Variants in DRD4 observed in about 807,000 individuals in gnomAD.
The protein encoded by DRD4 is dopamine receptor D4.
In DRD4, 26 loss-of-function variants were observed where a neutral mutation model predicts 22.1. The ratio of observed to expected loss-of-function variants is 1.17; its 90% confidence interval spans 0.86 to 1.63. The LOEUF (loss-of-function observed/expected upper bound fraction) is 1.63. Ranked by LOEUF, DRD4 falls within the 40% of genes most tolerant of loss-of-function variation. DRD4 has a pLI of 0.00. For missense variants in DRD4, 913 were observed against 632.4 expected, an observed-to-expected ratio of 1.44 and a Z score of -4.76; for synonymous variants, 455 against 306.7, an observed-to-expected ratio of 1.48 and a Z score of -5.05.
At chr11:639,349 C>G (rs1352258908) in intron 1 of DRD4, 84 bp from the exon 2 acceptor site, 4 of 1,329,850 alleles carry the variant, frequency 3.0e-6, no homozygotes, top group Non-Finnish European at 4.1e-6. Flanking sequence ...GTATTCAGCC[C>G]TGGAACTACC....
rs367612113 is a variant in DRD4 at position 639,943 on chromosome 11, G to A, written c.694G>A (p.Gly232Ser). ...WEVARRAKLH[G>S]RAPRRPSGPG... ...GGTGGCACGTCGCGCCAAGCTGCAC[G>A]GCCGCGCGCCCCGCCGACCCAGCGG... Residue 232 changes from glycine (G) to serine (S), a missense_variant, in exon 3 of 4, where the codon GGC becomes AGC. Coordinates refer to ENST00000176183, the MANE Select transcript of DRD4 (RefSeq NM_000797.4). 1.0e-4 allele frequency: 147 copies of A among 1,458,736 alleles called. No homozygotes were observed. In the African/African-American group the frequency reaches 1.9e-3, roughly 19 times the overall value. 90.4% of individuals were successfully genotyped at this position (1,458,736 alleles called of 1,614,324 possible).
chr11:640,071 C>T lies in DRD4; in HGVS notation c.822C>T (p.Cys274=), dbSNP rs780104604. ...PPAPGLPRGP[C]GPDCAPAAPS... ...CGCCCGGCCTTCCCCGGGGTCCCTGCGGCCCCGACTGTGCGCCCGCCGCGC... is the reference window on the plus strand; with the variant it reads ...CGCCCGGCCTTCCCCGGGGTCCCTGTGGCCCCGACTGTGCGCCCGCCGCGC... The change falls in exon 3 of 4, where the codon TGC becomes TGT. Residue 274 remains cysteine (C), a synonymous_variant. Transcript: ENST00000176183. 3,026 of 1,109,442 alleles carry T rather than the reference C, an allele frequency of 2.7e-3. 149 individuals are homozygous for T. The highest frequency in any genetic ancestry group is 3.2e-3 in the Non-Finnish European group (2,766 of 876,674). The allele number at this position is 1,109,442 out of a possible 1,614,324, so 68.7% of individuals were successfully genotyped here. A position where few individuals can be genotyped will look rare whatever the true frequency, so the allele number is the denominator to read the frequency against.
At position 639,974 on chromosome 11, in the gene DRD4, G is replaced by C. The variant is rs770385372; in HGVS notation, c.725G>C (p.Gly242Ala). 77 of 1,398,520 alleles carry C rather than the reference G, an allele frequency of 5.5e-5. No individual in the cohort carries two copies. Among genetic ancestry groups the C allele is most frequent in the Middle Eastern group, 2.6e-4 (1 of 3,842 alleles). 86.6% of individuals were successfully genotyped at this position (1,398,520 alleles called of 1,614,324 possible). Reference protein sequence around the residue: ...GRAPRRPSGPGPPSPTPPAPR... With the variant: ...GRAPRRPSGPAPPSPTPPAPR... ...GCGCCCCGCCGACCCAGCGGCCCTGGCCCGCCTTCCCCCACGCCACCCGCG... is the reference window on the plus strand; with the variant it reads ...GCGCCCCGCCGACCCAGCGGCCCTGCCCCGCCTTCCCCCACGCCACCCGCG... The change falls in exon 3 of 4, where the codon GGC (glycine) becomes GCC (alanine). Residue 242 changes from glycine to alanine, a missense_variant. Coordinates refer to ENST00000176183, the MANE Select transcript of DRD4 (RefSeq NM_000797.4).
In DRD4 at chr11:640,416, G is replaced by A; in HGVS notation, c.1073G>A (p.Cys358Tyr). The part of the protein sequence containing the change: ...LPVVVGAFLL[C>Y]WTPFFVVHIT... ...GCGCCCCCAGGGGCCTTCCTGCTGT[G>A]CTGGACGCCCTTCTTCGTGGTGCAC... is the stretch of plus-strand genomic sequence containing the variant. Residue 358 changes from cysteine to tyrosine, a missense_variant, in exon 4 of 4, where the codon TGC (cysteine) becomes TAC (tyrosine). Coordinates refer to ENST00000176183, the MANE Select transcript of DRD4 (RefSeq NM_000797.4). 1 of 1,600,100 alleles carries A rather than the reference G, an allele frequency of 6.2e-7. No homozygotes were observed. The highest frequency in any genetic ancestry group is 1.3e-5 in the African/African-American group (1 of 75,052).
At chr11:639,407 T>G in intron 1 of DRD4, 26 bp from the exon 2 acceptor site, 5 of 1,565,336 alleles carry the variant, frequency 3.2e-6, no homozygotes, top group Non-Finnish European at 4.3e-6. Flanking sequence ...CTGGGAAACC[T>G]CAGGGCCTGT....
chr11:640,608 G>T lies in DRD4; in HGVS notation c.*5G>T. On this transcript the variant is annotated 3_prime_UTR_variant, in exon 4 of 4. Transcript: ENST00000176183. ...GCCCTGCGTGCCTGCTGCTGAGCCG[G>T]GCACCCCCGGACGCCCCCCGGCCTG... The T allele has an allele frequency of 6.3e-7, 1 of 1,599,144 alleles. No homozygotes were observed. Among genetic ancestry groups the T allele is most frequent in the South Asian group, 1.1e-5 (1 of 91,076 alleles).
At chr11:637,706 C>T (rs1405006194) in intron 1 of DRD4, 117 bp downstream of exon 1, 12 of 1,512,082 alleles carry the variant, frequency 7.9e-6, no homozygotes, top group Middle Eastern at 2.3e-4. Flanking sequence ...CCAGCTGGGG[C>T]GGCGGCAGGG....
chr11:640,210 C>T lies in DRD4; in HGVS notation c.961C>T (p.Leu321Phe). Residue 321 changes from leucine to phenylalanine, a missense_variant, in exon 3 of 4, where the codon CTC (leucine) becomes TTC (phenylalanine). By Grantham distance (22) the Leu-to-Phe change is conservative (BLOSUM62 0). Transcript: ENST00000176183. ...CCCCGACGCCGTCAGAGCCGCCGCG[C>T]TCCCACCCCAGACTCCACCGCAGAC... ...APPDAVRAAA[L>F]PPQTPPQTRR... is the part of the protein sequence containing the mutation. The T allele has an allele frequency of 6.5e-7, 1 of 1,532,284 alleles. No individual in the cohort carries two copies. The highest frequency in any genetic ancestry group is 8.7e-7 in the Non-Finnish European group (1 of 1,146,062). The allele number at this position is 1,532,284 out of a possible 1,614,324, so 94.9% of individuals were successfully genotyped here.
intron 1 of DRD4, 87 bp downstream of exon 1, chr11:637,676 C>T: frequency 1.3e-6 from 2 of 1,530,258 alleles, no homozygotes; most frequent in Non-Finnish European, 1.7e-6. Context: ...GCGACCCGGC[C>T]CCTTTCTGGT....
chr11:640,098 C>A lies in DRD4; in HGVS notation c.849C>A (p.Pro283=). 3 of 1,114,914 alleles carry A rather than the reference C, an allele frequency of 2.7e-6. No homozygotes were observed. Among genetic ancestry groups the A allele is most frequent in the Non-Finnish European group, 3.5e-6 (3 of 865,364 alleles). The allele number at this position is 1,114,914 out of a possible 1,614,324, so 69.1% of individuals were successfully genotyped here. A position where few individuals can be genotyped will look rare whatever the true frequency, so the allele number is the denominator to read the frequency against. Residue 283 remains proline (P), a synonymous_variant, in exon 3 of 4, where the codon CCC becomes CCA. Transcript: ENST00000176183. ...PCGPDCAPAA[P]SLPQDPCGPD... is the part of the protein sequence containing the mutation. The stretch of plus-strand genomic sequence containing the variant: ...GCCCCGACTGTGCGCCCGCCGCGCC[C>A]AGCCTCCCCCAGGACCCCTGCGGCC...
chr11:639,484 G>C lies in DRD4; in HGVS notation c.337G>C (p.Ala113Pro), dbSNP rs758332341. 6.2e-7 allele frequency: 1 copy of C among 1,603,590 alleles called. No individual in the cohort carries two copies. The highest frequency in any genetic ancestry group is 1.1e-5 in the South Asian group (1 of 90,780). Reference protein sequence around the residue: ...LSPRLCDALMAMDVMLCTASI... With the variant: ...LSPRLCDALMPMDVMLCTASI... ...CCCCCGCCTGTGCGACGCCCTCATGGCCATGGACGTCATGCTGTGCACCGC... is the reference window on the plus strand; with the variant it reads ...CCCCCGCCTGTGCGACGCCCTCATGCCCATGGACGTCATGCTGTGCACCGC... The change falls in exon 2 of 4, where the codon GCC becomes CCC. Residue 113 changes from alanine (A) to proline (P), a missense_variant. Physicochemically the swap from Ala to Pro is conservative, Grantham distance 27. Transcript: ENST00000176183.
rs1035456517 is a variant in DRD4, at chr11:640,605, C to A, written c.*2C>A. The stretch of plus-strand genomic sequence containing the variant: ...AAGGCCCTGCGTGCCTGCTGCTGAG[C>A]CGGGCACCCCCGGACGCCCCCCGGC... On this transcript the variant is annotated 3_prime_UTR_variant, in exon 4 of 4. Transcript: ENST00000176183. The A allele has an allele frequency of 6.3e-7, 1 of 1,599,174 alleles. No individual in the cohort carries two copies. Among genetic ancestry groups the A allele is most frequent in the Admixed American group, 1.7e-5 (1 of 60,010 alleles).
Position 639,935 on chromosome 11 carries a change from A to T in DRD4, c.686A>T (p.Lys229Met). The change falls in exon 3 of 4, where the codon AAG becomes ATG. Residue 229 changes from lysine (K) to methionine (M), a missense_variant. By Grantham distance (95) the Lys-to-Met change is moderately conservative. Transcript: ENST00000176183. ...LQRWEVARRA[K>M]LHGRAPRRPS... ...CGCTGGGAGGTGGCACGTCGCGCCA[A>T]GCTGCACGGCCGCGCGCCCCGCCGA... is the stretch of plus-strand genomic sequence containing the variant. 6.6e-7 allele frequency: 1 copy of T among 1,521,050 alleles called. No homozygotes were observed. The highest frequency in any genetic ancestry group is 2.3e-4 in the Middle Eastern group (1 of 4,326). 94.2% of individuals were successfully genotyped at this position (1,521,050 alleles called of 1,614,324 possible).
At position 640,429 on chromosome 11, in the gene DRD4, C is replaced by T. The variant is rs1589959369; in HGVS notation, c.1086C>T (p.Phe362=). 7.5e-6 allele frequency: 12 copies of T among 1,600,736 alleles called. No individual in the cohort carries two copies. Among genetic ancestry groups the T allele is most frequent in the Non-Finnish European group, 9.3e-6 (11 of 1,179,730 alleles). ...VGAFLLCWTP[F]FVVHITQALC... is the part of the protein sequence containing the mutation. The stretch of plus-strand genomic sequence containing the variant: ...CCTTCCTGCTGTGCTGGACGCCCTT[C>T]TTCGTGGTGCACATCACGCAGGCGC... Residue 362 remains phenylalanine (F), a synonymous_variant, in exon 4 of 4, where the codon TTC becomes TTT. Transcript: ENST00000176183.
At position 640,064 on chromosome 11, in the gene DRD4, G is replaced by T. The variant is rs749976218; in HGVS notation, c.815G>T (p.Gly272Val). The T allele has an allele frequency of 6.3e-3, 6,704 of 1,072,138 alleles. 316 individuals carry two copies. The highest frequency in any genetic ancestry group is 7.2e-3 in the Non-Finnish European group (6,207 of 859,104). The allele number at this position is 1,072,138 out of a possible 1,614,324, so 66.4% of individuals were successfully genotyped here. Residue 272 changes from glycine (G) to valine (V), a missense_variant, in exon 3 of 4, where the codon GGT becomes GTT. Physicochemically the swap from Gly to Val is moderately radical, Grantham distance 109. Transcript: ENST00000176183. The stretch of plus-strand genomic sequence containing the variant: ...CCCCCCGCGCCCGGCCTTCCCCGGG[G>T]TCCCTGCGGCCCCGACTGTGCGCCC... ...CAPPAPGLPRGPCGPDCAPAA... is the reference protein window; with the variant it reads ...CAPPAPGLPRVPCGPDCAPAA...
At chr11:637,611 G>T in intron 1 of DRD4, 22 bp downstream of exon 1, 1 of 1,540,744 alleles carries the variant, frequency 6.5e-7, no homozygotes, top group Middle Eastern at 1.8e-4. Context: ...CCGGCCGCAC[G>T]AGCATCCTCA....
Position 640,318 on chromosome 11 carries a change from T to A in DRD4, c.1057+12T>A. The A allele has an allele frequency of 7.0e-7, 1 of 1,429,984 alleles. No homozygotes were observed. The highest frequency in any genetic ancestry group is 1.9e-5 in the Admixed American group (1 of 51,556). The allele number at this position is 1,429,984 out of a possible 1,614,324, so 88.6% of individuals were successfully genotyped here. On this transcript the variant is annotated intron_variant, in intron 3 of 3. Coordinates refer to ENST00000176183, the MANE Select transcript of DRD4 (RefSeq NM_000797.4). ...GCCGGTGGTGGTCGGTGGGTTCCTG[T>A]CCTGAGGGGCGGGGAGGAGAGGAGG...
chr11:639,566 G>GCGCCCCGGCGCCCCCGCGCCC (rs1858154380), intron 2 of DRD4, 21 bp downstream of exon 2: 2 of 1,401,930 alleles, frequency 1.4e-6, no homozygotes, highest in Admixed American at 2.7e-5. Flanking sequence ...CTCCCCGCCC[G>GCGCCCCGGCGCCCCCGCGCCC]CGCCCCGGCG....
In DRD4 at chr11:640,519, C is replaced by T. The variant is rs747730168; in HGVS notation, c.1176C>T (p.Asn392=). Residue 392 remains asparagine, a synonymous_variant, in exon 4 of 4, where the codon AAC becomes AAT. Transcript: ENST00000176183. ...CCGTCACCTGGCTGGGCTACGTCAA[C>T]AGCGCCCTCAACCCCGTCATCTACA... ...VSAVTWLGYV[N]SALNPVIYTV... The T allele has an allele frequency of 8.1e-6, 13 of 1,598,718 alleles. No individual in the cohort carries two copies. In the East Asian group the frequency reaches 2.5e-4, roughly 30 times the overall value.
Sources: gnomAD v4.1 joint callset for allele counts on GRCh38, gnomAD v4.1.1 for gene constraint, MANE v1.5 for transcripts, NCBI Gene and HGNC (gene_info 2026-07-23, HGNC 2026-07-21) for gene names.